The following RAD51B variants were observed in gnomAD, a reference collection of about 807,000 sequenced individuals.
RAD51B encodes RAD51 paralog B, also known as DNA repair protein RAD51 homolog 2.
Under a neutral mutation model 42.2 loss-of-function variants are expected in RAD51B, and 38 were observed. That is an observed-to-expected ratio of 0.90 (90% CI 0.70 to 1.18). RAD51B has a LOEUF of 1.18. Among genes scored for constraint, RAD51B ranks in the 50% most tolerant of loss-of-function variants. The probability of loss-of-function intolerance (pLI) is 0.00; values close to 1 mark genes in which losing one functional copy is unlikely to be tolerated. For synonymous variants in RAD51B, 154 were observed against 145.2 expected (o/e 1.06, Z -0.43); for missense variants, 373 against 400.7 (o/e 0.93, Z 0.59).
chr14:68,523,210 C>T (rs936773482), intron 10 of RAD51B, among the ~76,000 whole-genome samples: 2 of 152,104 alleles, frequency 1.3e-5, no homozygotes, highest in African/African-American at 4.8e-5. Context: ...GAGTAGAAAG[C>T]GGATACCAGG....
intron 10 of RAD51B, among the ~76,000 whole-genome samples, chr14:68,643,885 G>C (rs1892514035): frequency 6.6e-6 from 1 of 152,078 alleles, no homozygotes; most frequent in African/African-American, 2.4e-5. Flanking sequence ...AAAGGGGGTG[G>C]GGCCTCTCTC....
At chr14:68,601,232 T>G (rs1891205208) in intron 10 of RAD51B, among the ~76,000 whole-genome samples, 1 of 151,976 alleles carries the variant, frequency 6.6e-6, no homozygotes, top group Non-Finnish European at 1.5e-5. Flanking sequence ...CCAGTAACTT[T>G]TTTTTTGGTG....
intron 9 of RAD51B, among the ~76,000 whole-genome samples, chr14:68,442,656 G>T (rs1261566402): frequency 6.6e-6 from 1 of 151,618 alleles, no homozygotes; most frequent in African/African-American, 2.4e-5. Flanking sequence ...GGCCAGCATG[G>T]TCTCAATCTC....
chr14:68,298,813 C>T (rs35503762), intron 8 of RAD51B, among the ~76,000 whole-genome samples: 8 of 152,012 alleles, frequency 5.3e-5, no homozygotes, highest in Non-Finnish European at 1.2e-4. Context: ...ATACCAAGGG[C>T]GAGAGGCCTC....
At chr14:68,356,210 A>G (rs1392838902) in intron 8 of RAD51B, among the ~76,000 whole-genome samples, 2 of 152,140 alleles carry the variant, frequency 1.3e-5, no homozygotes, top group African/African-American at 4.8e-5. Flanking sequence ...AGGTGGGCGG[A>G]TCACAAGGTC....
At chr14:68,031,445 C>T (rs917932468) in intron 7 of RAD51B, among the ~76,000 whole-genome samples, 2 of 152,062 alleles carry the variant, frequency 1.3e-5, no homozygotes, top group Admixed American at 1.3e-4. Flanking sequence ...TCTTAAATCA[C>T]CATAACAGAT....
intron 7 of RAD51B, among the ~76,000 whole-genome samples, chr14:68,122,818 T>C (rs1595431177): frequency 6.6e-6 from 1 of 152,344 alleles, no homozygotes. Context: ...CAGTATATTA[T>C]GGTACTCCAT....
intron 8 of RAD51B, among the ~76,000 whole-genome samples, chr14:68,362,134 C>A (rs2083038430): frequency 6.6e-6 from 1 of 152,196 alleles, no homozygotes; most frequent in Non-Finnish European, 1.5e-5. Context: ...AAACTTCCCT[C>A]ATGGGATTGT....
intron 7 of RAD51B, among the ~76,000 whole-genome samples, chr14:67,890,309 C>G (rs1050853225): frequency 6.6e-6 from 1 of 151,654 alleles, no homozygotes; most frequent in African/African-American, 2.4e-5. Flanking sequence ...ACCTGATTTG[C>G]TCCAGGACAC....
intron 8 of RAD51B, among the ~76,000 whole-genome samples, chr14:68,358,518 C>T (rs1214852059): frequency 6.6e-6 from 1 of 152,242 alleles, no homozygotes; most frequent in Non-Finnish European, 1.5e-5. Flanking sequence ...ACACTATTGC[C>T]TACACTGCAG....
rs34642019 is a variant in RAD51B, at chr14:68,206,788, C to CTT, written c.757-85078_757-85077dup. Among the ~76,000 whole-genome samples, 101 of 124,352 alleles carry CTT rather than the reference C, an allele frequency of 8.1e-4. 2 individuals carry two copies. The highest frequency in any genetic ancestry group is 2.0e-3 in the African/African-American group (66 of 33,182). The allele number at this position is 124,352 out of a possible 152,430, so 81.6% of individuals were successfully genotyped here. On this transcript the variant is annotated intron_variant, in intron 7 of 10. Transcript: ENST00000471583. ...CCCATTTTCCCAAGAAACCCCAGTTCTTTTTTTTTTTTTTTTTTTGAGACG... is the reference window on the plus strand; with the variant it reads ...CCCATTTTCCCAAGAAACCCCAGTTCTTTTTTTTTTTTTTTTTTTTTGAGACG...
chr14:67,903,104 C>T (rs922907273), intron 7 of RAD51B, among the ~76,000 whole-genome samples: 5 of 152,074 alleles, frequency 3.3e-5, no homozygotes, highest in Non-Finnish European at 5.9e-5. Flanking sequence ...ATGATCTGCC[C>T]ACCTCTGCCT....
chr14:68,116,538 G>A (rs954594832), intron 7 of RAD51B, among the ~76,000 whole-genome samples: 3 of 152,114 alleles, frequency 2.0e-5, no homozygotes, highest in Middle Eastern at 3.4e-3. Context: ...TCTGCCCTTC[G>A]ATTAGTGAGA....
intron 8 of RAD51B, among the ~76,000 whole-genome samples, chr14:68,365,787 A>G (rs2083129950): frequency 6.6e-6 from 1 of 152,190 alleles, no homozygotes; most frequent in Non-Finnish European, 1.5e-5. Context: ...TTTATAAATC[A>G]TATCTTCCAC....
intron 9 of RAD51B, among the ~76,000 whole-genome samples, chr14:68,442,504 G>C (rs1006961814): frequency 1.4e-5 from 2 of 140,432 alleles, no homozygotes; most frequent in Admixed American, 7.6e-5. Flanking sequence ...GCAGTGGCGC[G>C]ATTTCAGCTC....
chr14:68,266,159 T>G (rs1372296956), intron 7 of RAD51B, among the ~76,000 whole-genome samples: 1 of 152,152 alleles, frequency 6.6e-6, no homozygotes, highest in Admixed American at 6.5e-5. Flanking sequence ...AGTAATGTCT[T>G]TTTCTCACCT....
rs151128396 is a variant in RAD51B, at chr14:68,396,091, G to A, written c.854-15333G>A. Among the ~76,000 whole-genome samples, 269 of 152,218 alleles carry A rather than the reference G, an allele frequency of 1.8e-3. 2 individuals carry two copies. Among genetic ancestry groups the A allele is most frequent in the African/African-American group, 5.8e-3 (241 of 41,518 alleles). The stretch of plus-strand genomic sequence containing the variant: ...TGTCAGGATCACAGAGCAGGGACAC[G>A]GGCACCGGCAGAGTTGGGCTGACAG... On this transcript the variant is annotated intron_variant, in intron 8 of 10. Transcript: ENST00000471583.
At position 68,087,905 on chromosome 14, in the gene RAD51B, T is replaced by G. The variant is rs1595378137; in HGVS notation, c.756+200701T>G. ...ATAATTATATAATATATTATTTATA[T>G]AATTATATAATATATTATATATAAT... On this transcript the variant is annotated intron_variant, in intron 7 of 10. Coordinates refer to ENST00000471583, the MANE Select transcript of RAD51B (RefSeq NM_133510.4). Among the ~76,000 whole-genome samples the G allele has an allele frequency of 2.4e-5, 3 of 126,284 alleles. No homozygotes were observed. In the South Asian group the frequency reaches 6.6e-4, roughly 28 times the overall value. 82.8% of individuals were successfully genotyped at this position (126,284 alleles called of 152,430 possible). A position where few individuals can be genotyped will look rare whatever the true frequency, so the allele number is the denominator to read the frequency against.
chr14:67,957,631 C>T (rs1001306909), intron 7 of RAD51B, among the ~76,000 whole-genome samples: 6 of 152,166 alleles, frequency 3.9e-5, no homozygotes, highest in Admixed American at 2.6e-4. Context: ...ACACTCGGAT[C>T]GCTGTCTCCA....
Sources: gnomAD v4.1 joint callset for allele counts (sites outside exome capture counted in the v4.1 genomes callset) on GRCh38, gnomAD v4.1.1 for gene constraint, MANE v1.5 for transcripts, NCBI Gene and HGNC (gene_info 2026-07-23, HGNC 2026-07-21) for gene names.